Variants in LIPC observed in about 807,000 individuals in gnomAD.
The protein encoded by LIPC is hepatic triacylglycerol lipase.
A neutral mutation model predicts 50.7 loss-of-function variants in LIPC; 44 were observed. The ratio of observed to expected loss-of-function variants is 0.87; its 90% CI spans 0.68 to 1.11. The LOEUF (loss-of-function observed/expected upper bound fraction) is 1.11, where lower values mean the gene tolerates loss of function less well. Ranked by LOEUF, LIPC falls within the 50% of genes most tolerant of loss-of-function variation. The pLI, the probability that LIPC is intolerant of heterozygous loss-of-function variation, is 0.00. For missense variants in LIPC, 697 were observed against 648.2 expected (o/e 1.08, Z -0.82); for synonymous variants, 271 against 256.4 (o/e 1.06, Z -0.54).
At chr15:58,471,686 C>G (rs1296978508) in intron 1 of LIPC, among the ~76,000 whole-genome samples, 1 of 152,092 alleles carries the variant, frequency 6.6e-6, no homozygotes, top group African/African-American at 2.4e-5. Context: ...AGTCAGTGCT[C>G]CAAAACTCTG....
At chr15:58,539,643 C>T (rs1198726868) in intron 2 of LIPC, among the ~76,000 whole-genome samples, 1 of 152,050 alleles carries the variant, frequency 6.6e-6, no homozygotes, top group Non-Finnish European at 1.5e-5. Flanking sequence ...TTGAAACCCC[C>T]ATCTATCCTA....
intron 2 of LIPC, among the ~76,000 whole-genome samples, chr15:58,539,849 G>A (rs1289993904): frequency 6.6e-6 from 1 of 152,014 alleles, no homozygotes; most frequent in Non-Finnish European, 1.5e-5. Flanking sequence ...CTCTTTTCCT[G>A]ATTAACTCCC....
intron 1 of LIPC, among the ~76,000 whole-genome samples, chr15:58,457,918 G>C (rs1566913849): frequency 6.6e-6 from 1 of 152,172 alleles, no homozygotes; most frequent in Non-Finnish European, 1.5e-5. Context: ...CTACATGGCT[G>C]TCTGTGTACA....
Position 58,569,148 on chromosome 15 carries a change from C to T in LIPC, c.*321C>T, listed in dbSNP as rs1894479459. On this transcript the variant is annotated 3_prime_UTR_variant, in exon 9 of 9. Coordinates refer to ENST00000299022, the MANE Select transcript of LIPC (RefSeq NM_000236.3). Reference sequence around the variant, plus strand: ...ATGTCTTTTATAATTAAGTTTCCCACATGTCCTTGCTAGTTTATTATGACC... The same window carrying T: ...ATGTCTTTTATAATTAAGTTTCCCATATGTCCTTGCTAGTTTATTATGACC... 5.0e-6 allele frequency: 1 copy of T among 200,680 alleles called. No homozygotes were observed. Among genetic ancestry groups the T allele is most frequent in the Non-Finnish European group, 1.0e-5 (1 of 98,354 alleles). The allele number at this position is 200,680 out of a possible 1,614,324, so 12.4% of individuals were successfully genotyped here.
intron 6 of LIPC, among the ~76,000 whole-genome samples, chr15:58,552,264 C>T (rs1310243633): frequency 1.3e-5 from 2 of 152,170 alleles, no homozygotes; most frequent in African/African-American, 4.8e-5. Context: ...TCACAGCAAC[C>T]CCCAGACAGG....
At chr15:58,455,224 G>C (rs1463780128) in intron 1 of LIPC, among the ~76,000 whole-genome samples, 1 of 152,216 alleles carries the variant, frequency 6.6e-6, no homozygotes, top group African/African-American at 2.4e-5. Flanking sequence ...TCTCTGTAAA[G>C]GGCCAGACAG....
chr15:58,433,875 TC>T (rs1197817873), intron 1 of LIPC, among the ~76,000 whole-genome samples: 1 of 152,184 alleles, frequency 6.6e-6, no homozygotes, highest in Non-Finnish European at 1.5e-5. Context: ...GGAAGCAGAA[TC>T]TCTTGGCAGA....
intron 1 of LIPC, among the ~76,000 whole-genome samples, chr15:58,440,120 T>A (rs1357296661): frequency 6.6e-6 from 1 of 152,196 alleles, no homozygotes; most frequent in Admixed American, 6.5e-5. Context: ...CAAAATAAAA[T>A]ATCTACATGC....
At chr15:58,445,186 A>AAG (rs1893650271) in intron 1 of LIPC, among the ~76,000 whole-genome samples, 1 of 152,248 alleles carries the variant, frequency 6.6e-6, no homozygotes, top group Admixed American at 6.5e-5. Context: ...AGCATAAGCA[A>AAG]TAACCGGCAG....
chr15:58,494,453 C>T (rs548428462), intron 1 of LIPC, among the ~76,000 whole-genome samples: 22 of 152,326 alleles, frequency 1.4e-4, no homozygotes, highest in African/African-American at 2.2e-4. Flanking sequence ...ACCTCATTTA[C>T]GCTGTTTGCA....
intron 1 of LIPC, among the ~76,000 whole-genome samples, chr15:58,453,454 A>G (rs769996661): frequency 5.3e-5 from 8 of 152,136 alleles, no homozygotes; most frequent in Non-Finnish European, 1.2e-4. Context: ...GAAGAGAACT[A>G]AATTATTCTC....
intron 1 of LIPC, among the ~76,000 whole-genome samples, chr15:58,521,098 T>C (rs1892638664): frequency 6.6e-6 from 1 of 152,098 alleles, no homozygotes; most frequent in East Asian, 1.9e-4. Context: ...GCTGTGTTGC[T>C]GGCCAGTGGC....
At chr15:58,538,307 G>T (rs200963443) in intron 1 of LIPC, 26 bp from the exon 2 acceptor site, 4 of 1,613,074 alleles carry the variant, frequency 2.5e-6, no homozygotes, top group Non-Finnish European at 3.4e-6. Context: ...GCCAGGCTAA[G>T]CACCGTCCCC....
intron 1 of LIPC, among the ~76,000 whole-genome samples, chr15:58,463,545 C>T (rs774969658): frequency 2.8e-4 from 43 of 152,234 alleles, no homozygotes; most frequent in South Asian, 1.0e-3. Flanking sequence ...GCCCCAAACT[C>T]GTCTATCCTA....
intron 1 of LIPC, among the ~76,000 whole-genome samples, chr15:58,500,322 C>A (rs1032526328): frequency 6.6e-6 from 1 of 152,126 alleles, no homozygotes; most frequent in East Asian, 1.9e-4. Context: ...GAGATGTAAG[C>A]GCCCAACAGA....
intron 6 of LIPC, among the ~76,000 whole-genome samples, chr15:58,557,141 T>C (rs1459786896): frequency 1.3e-5 from 2 of 152,116 alleles, no homozygotes; most frequent in African/African-American, 4.8e-5. Flanking sequence ...CATGTAAAAG[T>C]TCAAGTTCTG....
intron 1 of LIPC, among the ~76,000 whole-genome samples, chr15:58,453,679 T>C (rs116195704): frequency 0.011 from 1,704 of 151,970 alleles, 29 homozygotes; most frequent in African/African-American, 0.039. Flanking sequence ...GGCAGGTGGA[T>C]TGCTTGACCC....
At chr15:58,437,522 G>A (rs1178655172) in intron 1 of LIPC, among the ~76,000 whole-genome samples, 1 of 152,078 alleles carries the variant, frequency 6.6e-6, no homozygotes, top group Non-Finnish European at 1.5e-5. Flanking sequence ...GAGGATTTAA[G>A]TACTTAAATG....
intron 1 of LIPC, among the ~76,000 whole-genome samples, chr15:58,529,490 G>A (rs578061816): frequency 7.9e-5 from 12 of 152,318 alleles, no homozygotes; most frequent in African/African-American, 2.9e-4. Flanking sequence ...CAATTGTTTC[G>A]GGGTATTTTC....
Sources: gnomAD v4.1 joint callset for allele counts (sites outside exome capture counted in the v4.1 genomes callset) on GRCh38, gnomAD v4.1.1 for gene constraint, MANE v1.5 for transcripts, NCBI Gene and HGNC (gene_info 2026-07-23, HGNC 2026-07-21) for gene names.